The following SDK1 variants were observed in gnomAD, a reference collection of about 807,000 sequenced individuals.
The protein encoded by SDK1 is protein sidekick-1.
Under a neutral mutation model 245.5 loss-of-function variants are expected in SDK1, and 157 were observed. That is an observed-to-expected ratio of 0.64 (90% CI 0.56 to 0.73). The LOEUF is 0.73. SDK1 is among the 30% of genes least tolerant of loss of function. The pLI, the probability that SDK1 is intolerant of heterozygous loss-of-function variation, is 0.00. For missense variants in SDK1, 3,583 were observed against 3,002.3 expected (o/e 1.19, Z -4.52); for synonymous variants, 1,647 against 1,278.5 (o/e 1.29, Z -6.15).
Position 4,011,014 on chromosome 7 carries a change from G to T in SDK1, c.2180G>T (p.Gly727Val), listed in dbSNP as rs1182250214. Residue 727 changes from glycine (G) to valine (V), a missense_variant, in exon 15 of 45, where the codon GGC becomes GTC. Transcript: ENST00000404826. ...HLSNVGPEMT[G>V]VTVSGLTPAR... ...TCAAACGTTGGCCCTGAGATGACAG[G>T]CGTCACCGTGAGTGGCCTGACTCCG... is the stretch of plus-strand genomic sequence containing the variant. The T allele has an allele frequency of 6.2e-7, 1 of 1,614,092 alleles. No individual in the cohort carries two copies. Among genetic ancestry groups the T allele is most frequent in the Admixed American group, 1.7e-5 (1 of 60,014 alleles).
intron 1 of SDK1, among the ~76,000 whole-genome samples, chr7:3,566,745 C>T (rs1421834992): frequency 2.0e-5 from 3 of 148,044 alleles, no homozygotes; most frequent in African/African-American, 5.0e-5. Flanking sequence ...AAAGTGATTG[C>T]AATCCAAGGA....
intron 1 of SDK1, among the ~76,000 whole-genome samples, chr7:3,596,224 C>T (rs1362893616): frequency 6.6e-6 from 1 of 152,094 alleles, no homozygotes; most frequent in Non-Finnish European, 1.5e-5. Context: ...CTTGCTGGCT[C>T]TTCCATCTGG....
At chr7:3,321,353 G>T (rs1220659518) in intron 1 of SDK1, among the ~76,000 whole-genome samples, 4 of 150,930 alleles carry the variant, frequency 2.7e-5, no homozygotes, top group Admixed American at 2.6e-4. Flanking sequence ...ACTAATGACA[G>T]AGTCCCAGGT....
rs1163419985 is a variant in SDK1 at position 3,967,436 on chromosome 7, T to C, written c.1546+2T>C. 2 of 1,594,682 alleles carry C rather than the reference T, an allele frequency of 1.3e-6. No individual in the cohort carries two copies. The highest frequency in any genetic ancestry group is 2.7e-5 in the African/African-American group (2 of 74,412). ...AACCCGCCATCACCTGGAAAAGAGG[T>C]GGGTAGCATCCACTGCCCACAACAG... On this transcript the variant is annotated splice_donor_variant, in intron 10 of 44. Transcript: ENST00000404826. LOFTEE classifies it high-confidence loss of function.
intron 41 of SDK1, among the ~76,000 whole-genome samples, chr7:4,235,652 A>G (rs1786114035): frequency 6.6e-6 from 1 of 152,218 alleles, no homozygotes; most frequent in African/African-American, 2.4e-5. Context: ...GGTACAGAGC[A>G]ATTACACATG....
rs1257640370 is a variant in SDK1, at chr7:4,210,025, C to G, written c.5402C>G (p.Ala1801Gly). The G allele has an allele frequency of 6.3e-7, 1 of 1,579,268 alleles. No individual in the cohort carries two copies. Among genetic ancestry groups the G allele is most frequent in the Admixed American group, 1.9e-5 (1 of 53,974 alleles). Residue 1801 changes from alanine to glycine, a missense_variant and splice_region_variant, in exon 38 of 45, where the codon GCC becomes GGC. Physicochemically the swap from Ala to Gly is moderately conservative, Grantham distance 60 (BLOSUM62 0). Coordinates refer to ENST00000404826, the MANE Select transcript of SDK1 (RefSeq NM_152744.4). ...GTCACTTTGTGTTCTATTCTCCCAG[C>G]CCCTGGGGCCCCCAGCTTTCTGGCG... ...DPQQGRTHQA[A>G]PGAPSFLAFS...
intron 22 of SDK1, among the ~76,000 whole-genome samples, chr7:4,080,884 AAAAAG>A (rs1380126752): frequency 6.6e-6 from 1 of 152,224 alleles, no homozygotes; most frequent in African/African-American, 2.4e-5. Context: ...TAAAAAAAGA[AAAAAG>A]AAAATCAGTC....
intron 4 of SDK1, among the ~76,000 whole-genome samples, chr7:3,682,593 C>A (rs924525255): frequency 6.6e-6 from 1 of 152,272 alleles, no homozygotes; most frequent in African/African-American, 2.4e-5. Flanking sequence ...GCTGGCCTCT[C>A]CTTCCTGTGT....
chr7:3,886,328 C>G (rs557191892), intron 5 of SDK1, among the ~76,000 whole-genome samples: 1 of 152,298 alleles, frequency 6.6e-6, no homozygotes, highest in African/African-American at 2.4e-5. Context: ...GATAGAGATG[C>G]CGGACATAGG....
At chr7:4,232,208 C>G (rs1785821889) in intron 40 of SDK1, among the ~76,000 whole-genome samples, 1 of 151,796 alleles carries the variant, frequency 6.6e-6, no homozygotes, top group Admixed American at 6.6e-5. Context: ...TTGTTATCAC[C>G]ATTCTACAGA....
intron 1 of SDK1, among the ~76,000 whole-genome samples, chr7:3,564,555 T>A (rs1412345317): frequency 6.6e-6 from 1 of 151,980 alleles, no homozygotes; most frequent in East Asian, 1.9e-4. Context: ...ACCAAAGAAA[T>A]TTTCAAATGA....
At chr7:3,608,858 A>C (rs7797548) in intron 1 of SDK1, among the ~76,000 whole-genome samples, 4,759 of 152,278 alleles carry the variant, frequency 0.031, 226 homozygotes, top group African/African-American at 0.1. Context: ...AAAAATATTC[A>C]CAGCTGTTTG....
chr7:3,565,630 A>T (rs1350090805), intron 1 of SDK1, among the ~76,000 whole-genome samples: 4 of 152,218 alleles, frequency 2.6e-5, no homozygotes, highest in African/African-American at 9.6e-5. Context: ...TGGTTCTGGA[A>T]CCTCCCTCAG....
intron 4 of SDK1, among the ~76,000 whole-genome samples, chr7:3,654,908 C>T (rs1783114692): frequency 6.6e-6 from 1 of 152,142 alleles, no homozygotes; most frequent in South Asian, 2.1e-4. Context: ...CATTATACAT[C>T]TGAAGTCAGT....
Position 4,127,474 on chromosome 7 carries a change from A to G in SDK1, c.3917A>G (p.Asn1306Ser). ...TWTSVPEQDQNGLILGYKILF... is the reference protein window; with the variant it reads ...TWTSVPEQDQSGLILGYKILF... ...ACATCCGTGCCGGAACAGGACCAGAATGGGCTCATACTGGGCTACAAGGTG... is the reference window on the plus strand; with the variant it reads ...ACATCCGTGCCGGAACAGGACCAGAGTGGGCTCATACTGGGCTACAAGGTG... Residue 1306 changes from asparagine (N) to serine (S), a missense_variant, in exon 26 of 45, where the codon AAT becomes AGT. Coordinates refer to ENST00000404826, the MANE Select transcript of SDK1 (RefSeq NM_152744.4). The G allele has an allele frequency of 6.2e-7, 1 of 1,614,024 alleles. No individual in the cohort carries two copies. Among genetic ancestry groups the G allele is most frequent in the East Asian group, 2.2e-5 (1 of 44,882 alleles).
intron 5 of SDK1, among the ~76,000 whole-genome samples, chr7:3,893,187 G>T (rs1781504401): frequency 6.6e-6 from 1 of 152,094 alleles, no homozygotes; most frequent in Non-Finnish European, 1.5e-5. Context: ...ATTTTTTGTT[G>T]TGTTGAGTCA....
At chr7:3,466,997 C>CT (rs1781025499) in intron 1 of SDK1, among the ~76,000 whole-genome samples, 25 of 141,942 alleles carry the variant, frequency 1.8e-4, no homozygotes, top group Admixed American at 2.7e-4. Context: ...CACACACACA[C>CT]ACACACACAC....
At chr7:3,332,993 G>C (rs942187940) in intron 1 of SDK1, among the ~76,000 whole-genome samples, 2 of 152,220 alleles carry the variant, frequency 1.3e-5, no homozygotes, top group Admixed American at 6.5e-5. Context: ...AGGGCTCTTA[G>C]ATTTTTCCCT....
intron 5 of SDK1, among the ~76,000 whole-genome samples, chr7:3,920,663 G>A (rs1287203210): frequency 1.3e-5 from 2 of 152,158 alleles, no homozygotes; most frequent in Non-Finnish European, 2.9e-5. Context: ...TGCAAGCTGG[G>A]GCTGCAGGTG....
Sources: allele counts gnomAD v4.1 joint callset (sites outside exome capture counted in the v4.1 genomes callset), GRCh38; gene constraint gnomAD v4.1.1; transcripts MANE v1.5; gene names NCBI Gene and HGNC (gene_info 2026-07-23, HGNC 2026-07-21).